GALNT18: variants seen among roughly 807,000 people sequenced by gnomAD.
GALNT18 encodes the protein polypeptide N-acetylgalactosaminyltransferase 18, also known as GalNAc-transferase 18.
GALNT18 carries 44 observed loss-of-function variants against 69.5 expected under a neutral mutation model. The observed-to-expected ratio is 0.63, with a 90% CI of 0.50 to 0.81. The LOEUF is 0.81. Among genes scored for constraint, GALNT18 ranks in the 40% least tolerant of loss-of-function variants. GALNT18 has a pLI of 0.00. For missense variants in GALNT18, 715 were observed against 810.0 expected (o/e 0.88, Z 1.42); for synonymous variants, 364 against 318.2 (o/e 1.14, Z -1.53).
chr11:11,440,212 G>A (rs930007907), intron 2 of GALNT18, among the ~76,000 whole-genome samples: 3 of 152,232 alleles, frequency 2.0e-5, no homozygotes, highest in Non-Finnish European at 4.4e-5. Context: ...AATCAGGAAA[G>A]AGAATCATTT....
At chr11:11,272,621 G>A (rs1285077214) in intron 10 of GALNT18, among the ~76,000 whole-genome samples, 1 of 152,180 alleles carries the variant, frequency 6.6e-6, no homozygotes, top group Non-Finnish European at 1.5e-5. Context: ...TGCACTTTAA[G>A]CAAGCTGTGC....
rs1032165967 is a variant in GALNT18 at position 11,598,330 on chromosome 11, T to C, written c.235+23029A>G. Among the ~76,000 whole-genome samples, 3 of 152,186 alleles carry C rather than the reference T, an allele frequency of 2.0e-5. No individual in the cohort carries two copies. The highest frequency in any genetic ancestry group is 6.5e-5 in the Admixed American group (1 of 15,276). On this transcript the variant is annotated intron_variant, in intron 1 of 10. Transcript: ENST00000227756. This position sits in a 1 kb window ranked among gnomAD's most constrained non-coding sequence, Gnocchi z 4.8. ...GGAGGCCAGAAGTCCAAAATTAGTC[T>C]TACTCGAGGCAAAATCAAGGTGTCA... is the stretch of plus-strand genomic sequence containing the variant.
intron 1 of GALNT18, among the ~76,000 whole-genome samples, chr11:11,535,734 G>C (rs559383914): frequency 6.6e-6 from 1 of 152,280 alleles, no homozygotes; most frequent in African/African-American, 2.4e-5. Flanking sequence ...CTTCCTCCAG[G>C]GAGTGATGGT....
In GALNT18 at chr11:11,545,774, C is replaced by T. The variant is rs554012287; in HGVS notation, c.235+75585G>A. Among the ~76,000 whole-genome samples the T allele has an allele frequency of 6.6e-5, 10 of 152,318 alleles. No individual in the cohort carries two copies. In the East Asian group the frequency reaches 1.9e-3, roughly 29 times the overall value. ...GGAACAGAAGGGAAGGCTGAAGAAG[C>T]TCCCTGGGGGATGGTATTTGAAATT... On this transcript the variant is annotated intron_variant, in intron 1 of 10. Transcript: ENST00000227756.
intron 3 of GALNT18, among the ~76,000 whole-genome samples, chr11:11,392,427 C>G (rs1159770733): frequency 6.6e-6 from 1 of 152,190 alleles, no homozygotes; most frequent in Non-Finnish European, 1.5e-5. Context: ...CAAGACCAGC[C>G]TAACCAACAC....
intron 6 of GALNT18, among the ~76,000 whole-genome samples, chr11:11,370,607 T>A (rs1166956177): frequency 6.7e-6 from 1 of 149,686 alleles, no homozygotes; most frequent in Non-Finnish European, 1.5e-5. Context: ...AAAAACCAGA[T>A]ATCATTGCCA....
In GALNT18 at chr11:11,377,322, G is replaced by A; in HGVS notation, c.837C>T (p.Ser279=). ...AGTTGTCATATTTGATGTTATCAAA[G>A]GATGGCGAGATGATCCGCTTCCGGT... ...KENRKRIISP[S]FDNIKYDNFE... is the part of the protein sequence containing the mutation. Residue 279 remains serine, a synonymous_variant, in exon 5 of 11, where the codon TCC becomes TCT. Transcript: ENST00000227756. This position sits in a 1 kb window ranked among gnomAD's most constrained non-coding sequence, Gnocchi z 4.6. 2 of 1,614,050 alleles carry A rather than the reference G, an allele frequency of 1.2e-6. No homozygotes were observed.
intron 9 of GALNT18, among the ~76,000 whole-genome samples, chr11:11,300,561 G>A (rs1294796794): frequency 6.6e-6 from 1 of 152,208 alleles, no homozygotes; most frequent in Admixed American, 6.5e-5. Flanking sequence ...GGACATAACA[G>A]GGGAGTGTGA....
Position 11,601,821 on chromosome 11 carries a change from A to AC in GALNT18, c.235+19537dup, listed in dbSNP as rs933480981. Reference sequence around the variant, plus strand: ...CTGTTTTTTTCTCATCAATGTTATAACAAAACAACATTGAAGGAAATGACG... The same window carrying AC: ...CTGTTTTTTTCTCATCAATGTTATAACCAAAACAACATTGAAGGAAATGACG... On this transcript the variant is annotated intron_variant, in intron 1 of 10. Coordinates refer to ENST00000227756, the MANE Select transcript of GALNT18 (RefSeq NM_198516.3). The surrounding 1 kb of genome is among the most constrained non-coding windows in gnomAD (Gnocchi z 4.0). Among the ~76,000 whole-genome samples, 1 of 152,222 alleles carries AC rather than the reference A, an allele frequency of 6.6e-6. No individual in the cohort carries two copies. Among genetic ancestry groups the AC allele is most frequent in the African/African-American group, 2.4e-5 (1 of 41,454 alleles).
chr11:11,584,321 G>T lies in GALNT18; in HGVS notation c.235+37038C>A, dbSNP rs896115205. Among the ~76,000 whole-genome samples the T allele has an allele frequency of 6.6e-6, 1 of 152,158 alleles. No individual in the cohort carries two copies. Among genetic ancestry groups the T allele is most frequent in the African/African-American group, 2.4e-5 (1 of 41,430 alleles). On this transcript the variant is annotated intron_variant, in intron 1 of 10. Transcript: ENST00000227756. The surrounding 1 kb of genome is among the most constrained non-coding windows in gnomAD (Gnocchi z 4.1). ...AAGAAAAATAAATAAATAACACCTTGCAAACACAAGGGGACAGTTTGTATT... is the reference window on the plus strand; with the variant it reads ...AAGAAAAATAAATAAATAACACCTTTCAAACACAAGGGGACAGTTTGTATT...
chr11:11,463,074 GGA>G lies in GALNT18; in HGVS notation c.236-14140_236-14139del, dbSNP rs1564961950. Among the ~76,000 whole-genome samples the G allele has an allele frequency of 1.3e-5, 2 of 152,092 alleles. No individual in the cohort carries two copies. The highest frequency in any genetic ancestry group is 4.8e-5 in the African/African-American group (2 of 41,396). The stretch of plus-strand genomic sequence containing the variant: ...GAGGGTAAGCAGTGCTCTGCAGTGT[GGA>G]GAGAGAGGATATCAATCACAAGACC... On this transcript the variant is annotated intron_variant, in intron 1 of 10. Coordinates refer to ENST00000227756, the MANE Select transcript of GALNT18 (RefSeq NM_198516.3). This position sits in a 1 kb window ranked among gnomAD's most constrained non-coding sequence, Gnocchi z 4.2.
At position 11,337,307 on chromosome 11, in the gene GALNT18, C is replaced by A. The variant is rs1017495396; in HGVS notation, c.1278+3512G>T. ...AAGGCGTCACCAAGCTCTTACCATG[C>A]GCCCTGCCTTGTGCTAGATATAATG... On this transcript the variant is annotated intron_variant, in intron 7 of 10. Transcript: ENST00000227756. This position sits in a 1 kb window ranked among gnomAD's most constrained non-coding sequence, Gnocchi z 4.9. 1.3e-5 allele frequency among the ~76,000 whole-genome samples: 2 copies of A among 152,150 alleles called. No individual in the cohort carries two copies. Among genetic ancestry groups the A allele is most frequent in the Non-Finnish European group, 2.9e-5 (2 of 68,032 alleles).
intron 3 of GALNT18, among the ~76,000 whole-genome samples, chr11:11,420,897 G>A (rs1589987097): frequency 6.6e-6 from 1 of 152,086 alleles, no homozygotes; most frequent in African/African-American, 2.4e-5. Context: ...TGATCACACA[G>A]CTGACCAGGG....
intron 9 of GALNT18, among the ~76,000 whole-genome samples, chr11:11,304,667 T>C (rs1849550270): frequency 1.3e-5 from 2 of 152,236 alleles, no homozygotes; most frequent in Non-Finnish European, 2.9e-5. Flanking sequence ...CCCTCTCCTA[T>C]GATGCTTCTT....
At chr11:11,400,869 G>T (rs570892885) in intron 3 of GALNT18, among the ~76,000 whole-genome samples, 134 of 151,984 alleles carry the variant, frequency 8.8e-4, no homozygotes, top group Admixed American at 2.5e-3. Context: ...TCTTTCTATT[G>T]GGACCGTGCC....
At chr11:11,429,620 T>A (rs1855220417) in intron 3 of GALNT18, among the ~76,000 whole-genome samples, 1 of 126,308 alleles carries the variant, frequency 7.9e-6, no homozygotes, top group Non-Finnish European at 1.6e-5. Flanking sequence ...GGATTTATCA[T>A]CTCCATTTTC....
In GALNT18 at chr11:11,546,779, T is replaced by C. The variant is rs552260247; in HGVS notation, c.235+74580A>G. Among the ~76,000 whole-genome samples the C allele has an allele frequency of 6.6e-6, 1 of 152,096 alleles. No individual in the cohort carries two copies. The highest frequency in any genetic ancestry group is 2.1e-4 in the South Asian group (1 of 4,810). Reference sequence around the variant, plus strand: ...TCATCCTTCCATCTTATAAATTATCTGAGGACCTGGCATAGAGCAGGCACT... The same window carrying C: ...TCATCCTTCCATCTTATAAATTATCCGAGGACCTGGCATAGAGCAGGCACT... On this transcript the variant is annotated intron_variant, in intron 1 of 10. Coordinates refer to ENST00000227756, the MANE Select transcript of GALNT18 (RefSeq NM_198516.3). The surrounding 1 kb of genome is among the most constrained non-coding windows in gnomAD (Gnocchi z 5.8).
Position 11,603,860 on chromosome 11 carries a change from A to G in GALNT18, c.235+17499T>C, listed in dbSNP as rs144868793. Among the ~76,000 whole-genome samples, 330 of 152,322 alleles carry G rather than the reference A, an allele frequency of 2.2e-3. 1 individual carries two copies. Among genetic ancestry groups the G allele is most frequent in the Middle Eastern group, 3.4e-3 (1 of 294 alleles). On this transcript the variant is annotated intron_variant, in intron 1 of 10. Transcript: ENST00000227756. This position sits in a 1 kb window ranked among gnomAD's most constrained non-coding sequence, Gnocchi z 4.5. ...ATGCATATATGTGTAACCACTTGCC[A>G]TGATCTAAATGTCTGTATCCCTTCC...
intron 1 of GALNT18, among the ~76,000 whole-genome samples, chr11:11,510,267 G>A (rs1487236154): frequency 6.6e-6 from 1 of 152,176 alleles, no homozygotes; most frequent in Non-Finnish European, 1.5e-5. Context: ...CCCATATTTT[G>A]CCTGGCACTA....
Sources: gnomAD v4.1 joint callset for allele counts (sites outside exome capture counted in the v4.1 genomes callset) on GRCh38, gnomAD v4.1.1 for gene constraint, Gnocchi (gnomAD v3.1) non-coding constraint, MANE v1.5 for transcripts, NCBI Gene and HGNC (gene_info 2026-07-23, HGNC 2026-07-21) for gene names.